TRIM67: variants seen among roughly 807,000 people sequenced by gnomAD.
TRIM67 encodes tripartite motif containing 67.
Under a neutral mutation model 71.0 loss-of-function variants are expected in TRIM67, and 39 were observed. That is an observed-to-expected ratio of 0.55 (90% CI 0.43 to 0.72). The LOEUF (loss-of-function observed/expected upper bound fraction) is 0.72, where lower values mean the gene tolerates loss of function less well. Ranked by LOEUF, TRIM67 falls within the 30% of genes least tolerant of loss-of-function variation. The probability of loss-of-function intolerance (pLI) is 0.00; values close to 1 mark genes in which losing one functional copy is unlikely to be tolerated. For synonymous variants in TRIM67, 481 were observed against 473.9 expected (o/e 1.01, Z -0.19); for missense variants, 973 against 1,079.2 (o/e 0.90, Z 1.38).
At chr1:231,169,560 G>T (rs58798891) in intron 1 of TRIM67, among the ~76,000 whole-genome samples, 1 of 151,706 alleles carries the variant, frequency 6.6e-6, no homozygotes, top group Non-Finnish European at 1.5e-5. Context: ...TGTATTTTTA[G>T]TAGAGACAGG....
In TRIM67 at chr1:231,217,520, T is replaced by C. The variant is rs181784672; in HGVS notation, c.*2080T>C. On this transcript the variant is annotated 3_prime_UTR_variant, in exon 10 of 10. Transcript: ENST00000366653. ...GGAGACGATCCCTAAAGATTGAGGA[T>C]GAAGAGGAGCCACCACTTTCCTGGG... 2,394 of 1,006,136 alleles carry C rather than the reference T, an allele frequency of 2.4e-3. 4 individuals are homozygous for C. Among genetic ancestry groups the C allele is most frequent in the Non-Finnish European group, 2.7e-3 (2,280 of 842,118 alleles). 62.3% of individuals were successfully genotyped at this position (1,006,136 alleles called of 1,614,324 possible).
rs1682336059 is a variant in TRIM67 at position 231,163,119 on chromosome 1, G to A, written c.150G>A (p.Leu50=). The A allele has an allele frequency of 1.3e-6, 2 of 1,557,092 alleles. No individual in the cohort carries two copies. The highest frequency in any genetic ancestry group is 1.4e-5 in the African/African-American group (1 of 72,172). ...AGCAGCACCTGCCCCAGCCGCTCCT[G>A]CTTTCCCGGGGATCGGGGCTGCAGG... The part of the protein sequence containing the change: ...DGEQHLPQPL[L]LSRGSGLQAG... The change falls in exon 1 of 10, where the codon CTG becomes CTA. Residue 50 remains leucine (L), a synonymous_variant. Transcript: ENST00000366653.
intron 8 of TRIM67, among the ~76,000 whole-genome samples, chr1:231,212,424 G>A (rs1426839612): frequency 6.6e-6 from 1 of 152,174 alleles, no homozygotes; most frequent in African/African-American, 2.4e-5. Flanking sequence ...AACTCCTTAC[G>A]GAAGGGGGTT....
In TRIM67 at chr1:231,216,142, C is replaced by T; in HGVS notation, c.*702C>T. On this transcript the variant is annotated 3_prime_UTR_variant, in exon 10 of 10. Transcript: ENST00000366653. Reference sequence around the variant, plus strand: ...TTCCTCCATCCTTCATTTCTTCTCCCTCCCTCCTTCTCTTTCTCTCTTCTT... The same window carrying T: ...TTCCTCCATCCTTCATTTCTTCTCCTTCCCTCCTTCTCTTTCTCTCTTCTT... 1 of 976,628 alleles carries T rather than the reference C, an allele frequency of 1.0e-6. No individual in the cohort carries two copies. The highest frequency in any genetic ancestry group is 1.2e-6 in the Non-Finnish European group (1 of 822,532). 60.5% of individuals were successfully genotyped at this position (976,628 alleles called of 1,614,324 possible).
intron 1 of TRIM67, among the ~76,000 whole-genome samples, chr1:231,176,523 A>T (rs1374875187): frequency 6.6e-6 from 1 of 152,228 alleles, no homozygotes; most frequent in East Asian, 1.9e-4. Flanking sequence ...ATGAGGCATT[A>T]AAGAAGATGT....
At chr1:231,198,810 A>G (rs1236645505) in intron 2 of TRIM67, among the ~76,000 whole-genome samples, 2 of 152,206 alleles carry the variant, frequency 1.3e-5, no homozygotes, top group African/African-American at 4.8e-5. Context: ...TCATGGCATT[A>G]AAAGTGCCCT....
chr1:231,181,519 C>T (rs1682907614), intron 1 of TRIM67, among the ~76,000 whole-genome samples: 1 of 152,192 alleles, frequency 6.6e-6, no homozygotes, highest in Non-Finnish European at 1.5e-5. Flanking sequence ...TACAACCATT[C>T]TCTCACCATT....
chr1:231,176,906 C>CAAAAAAAAAAAAAAAAAAAAAAA (rs56115614), intron 1 of TRIM67, among the ~76,000 whole-genome samples: 35 of 74,384 alleles, frequency 4.7e-4, no homozygotes, highest in Non-Finnish European at 6.4e-4. Context: ...TACAATCTGG[C>CAAAAAAAAAAAAAAAAAAAAAAA]AAAAAAAAAA....
intron 1 of TRIM67, among the ~76,000 whole-genome samples, chr1:231,169,738 G>A (rs1050227310): frequency 6.6e-6 from 1 of 152,078 alleles, no homozygotes; most frequent in Non-Finnish European, 1.5e-5. Context: ...GGGAAAAGAA[G>A]TGCCTAGGCT....
intron 2 of TRIM67, 48 bp from the exon 3 acceptor site, chr1:231,198,999 C>T (rs1683447816): frequency 1.9e-6 from 3 of 1,611,384 alleles, no homozygotes; most frequent in Non-Finnish European, 2.5e-6. Flanking sequence ...TAGCATCTTC[C>T]CCCTAAAACT....
At chr1:231,185,944 G>A (rs933754807) in intron 1 of TRIM67, 2 of 698,736 alleles carry the variant, frequency 2.9e-6, no homozygotes, top group African/African-American at 3.6e-5. Context: ...GTGATAAACG[G>A]CCGTGACAGC....
intron 1 of TRIM67, among the ~76,000 whole-genome samples, chr1:231,167,811 T>C (rs1266331720): frequency 6.6e-6 from 1 of 152,152 alleles, no homozygotes; most frequent in Admixed American, 6.5e-5. Context: ...CCTGCTGTCT[T>C]ACCTTATTTT....
chr1:231,200,067 C>T (rs1683477169), intron 3 of TRIM67, 81 bp from the exon 4 acceptor site: 2 of 1,057,288 alleles, frequency 1.9e-6, no homozygotes, highest in Non-Finnish European at 1.5e-6. Flanking sequence ...GCTGTATTGG[C>T]ACTAGTTCTC....
At chr1:231,179,856 G>C (rs904410654) in intron 1 of TRIM67, among the ~76,000 whole-genome samples, 2 of 152,186 alleles carry the variant, frequency 1.3e-5, no homozygotes, top group African/African-American at 4.8e-5. Context: ...ACGGTTTAAG[G>C]TAGGGGAGGG....
At chr1:231,212,938 T>C (rs1683913147) in intron 8 of TRIM67, among the ~76,000 whole-genome samples, 1 of 152,142 alleles carries the variant, frequency 6.6e-6, no homozygotes, top group Non-Finnish European at 1.5e-5. Context: ...ATTGGTCACC[T>C]GAGGGATAAT....
chr1:231,171,824 G>A (rs780985895), intron 1 of TRIM67, among the ~76,000 whole-genome samples: 5 of 152,214 alleles, frequency 3.3e-5, no homozygotes, highest in Admixed American at 6.5e-5. Context: ...TCTGGGCATG[G>A]TGGTTGATGC....
At chr1:231,185,534 T>C (rs900862905) in intron 1 of TRIM67, among the ~76,000 whole-genome samples, 2 of 151,636 alleles carry the variant, frequency 1.3e-5, no homozygotes, top group Non-Finnish European at 2.9e-5. Context: ...GGATCCCTAG[T>C]AGGAGACACA....
In TRIM67 at chr1:231,203,992, G is replaced by T; in HGVS notation, c.1660G>T (p.Gly554Cys). ...CGGCTACATCCTGGAGCTGGACGAC[G>T]GTGCCGGGGGACAGTTCCGGGTGAG... ...VDGYILELDD[G>C]AGGQFREVYV... Residue 554 changes from glycine to cysteine, a missense_variant, in exon 6 of 10, where the codon GGT (glycine) becomes TGT (cysteine). Around this residue, in one of 2 missense-constraint regions of TRIM67, gnomAD observed 795 missense variants for 831.3 expected, o/e 0.96. Transcript: ENST00000366653. 1 of 1,613,998 alleles carries T rather than the reference G, an allele frequency of 6.2e-7. No individual in the cohort carries two copies. Among genetic ancestry groups the T allele is most frequent in the Non-Finnish European group, 8.5e-7 (1 of 1,179,888 alleles).
chr1:231,167,220 A>G (rs1274255497), intron 1 of TRIM67, among the ~76,000 whole-genome samples: 2 of 151,982 alleles, frequency 1.3e-5, no homozygotes, highest in African/African-American at 2.4e-5. Context: ...CTGATACTCC[A>G]GGAGTACTAT....
Sources: allele counts gnomAD v4.1 joint callset (sites outside exome capture counted in the v4.1 genomes callset), GRCh38; gene constraint gnomAD v4.1.1; regional missense constraint gnomAD v4.1.1; transcripts MANE v1.5; gene names NCBI Gene and HGNC (gene_info 2026-07-23, HGNC 2026-07-21).